Variants in AP4S1 observed in about 807,000 individuals in gnomAD.
AP4S1 encodes the protein AP-4 complex subunit sigma-1.
In AP4S1, 23 loss-of-function variants were observed where a neutral mutation model predicts 19.8. That is an observed-to-expected ratio of 1.16 (90% CI 0.84 to 1.65). The LOEUF (loss-of-function observed/expected upper bound fraction) is 1.65. Among genes scored for constraint, AP4S1 ranks in the 40% most tolerant of loss-of-function variants. AP4S1 has a pLI of 0.00. For missense variants in AP4S1, 166 were observed against 172.8 expected, an observed-to-expected ratio of 0.96 and a Z score of 0.22; for synonymous variants, 46 against 54.1, an observed-to-expected ratio of 0.85 and a Z score of 0.66.
intron 1 of AP4S1, among the ~76,000 whole-genome samples, chr14:31,056,097 G>A (rs1249930860): frequency 2.0e-5 from 3 of 151,844 alleles, no homozygotes; most frequent in Non-Finnish European, 4.4e-5. Context: ...TGCCCGCCTC[G>A]GCCTCCCAAA....
At chr14:31,036,004 A>G (rs1189338551) in intron 1 of AP4S1, among the ~76,000 whole-genome samples, 1 of 152,134 alleles carries the variant, frequency 6.6e-6, no homozygotes, top group South Asian at 2.1e-4. Context: ...TGCTGGGATT[A>G]CAGGCGTGAG....
chr14:31,069,774 C>A, intron 2 of AP4S1, 69 bp from the exon 3 acceptor site: 1 of 1,160,348 alleles, frequency 8.6e-7, no homozygotes, highest in Non-Finnish European at 1.3e-6. Flanking sequence ...GAACCTAGAA[C>A]TTACGCATGT....
chr14:31,063,061 T>C (rs941911416), intron 1 of AP4S1, among the ~76,000 whole-genome samples: 4 of 151,840 alleles, frequency 2.6e-5, no homozygotes, highest in African/African-American at 9.7e-5. Context: ...CTTGGAAGGC[T>C]AAGGCAGGAG....
At chr14:31,073,490 AG>A (rs1442128416) in intron 4 of AP4S1, among the ~76,000 whole-genome samples, 50 of 150,046 alleles carry the variant, frequency 3.3e-4, no homozygotes, top group African/African-American at 9.8e-4. Flanking sequence ...ACTCCGTCTC[AG>A]AAAAAAAAAA....
At chr14:31,055,791 GAA>G in intron 1 of AP4S1, among the ~76,000 whole-genome samples, 1 of 151,830 alleles carries the variant, frequency 6.6e-6, no homozygotes, top group African/African-American at 2.4e-5. Context: ...GAGCTAGAAA[GAA>G]TGTTAATTGT....
chr14:31,092,870 T>A, intron 5 of AP4S1, 37 bp from the exon 6 acceptor site: 1 of 1,448,660 alleles, frequency 6.9e-7, no homozygotes, highest in Non-Finnish European at 9.3e-7. Context: ...TGTTAATAAT[T>A]TTTAACTTTA....
At position 31,094,685 on chromosome 14, in the gene AP4S1, TC is replaced by T. The variant is rs1220738971; in HGVS notation, c.*1651del. ...AGGAGGATTGGTTGAGCCCATTAGT[TC>T]AAGACCAGCCTGGGCAACACAGCAA... On this transcript the variant is annotated 3_prime_UTR_variant, in exon 6 of 6. Transcript: ENST00000542754. 1.3e-5 allele frequency: 2 copies of T among 152,396 alleles called. No individual in the cohort carries two copies. The highest frequency in any genetic ancestry group is 4.8e-5 in the African/African-American group (2 of 41,438). The allele number at this position is 152,396 out of a possible 1,614,324, so 9.4% of individuals were successfully genotyped here.
chr14:31,049,682 G>A (rs1002075406), intron 1 of AP4S1, among the ~76,000 whole-genome samples: 5 of 151,188 alleles, frequency 3.3e-5, no homozygotes, highest in African/African-American at 7.3e-5. Flanking sequence ...TTTGAAACAC[G>A]GTCTTTCTCT....
chr14:31,028,368 G>A (rs1380249676), intron 1 of AP4S1, among the ~76,000 whole-genome samples: 1 of 151,846 alleles, frequency 6.6e-6, no homozygotes, highest in Non-Finnish European at 1.5e-5. Flanking sequence ...TGTAGAGACG[G>A]GGTTTTGTCA....
intron 1 of AP4S1, among the ~76,000 whole-genome samples, chr14:31,044,930 T>C (rs1428437995): frequency 1.3e-5 from 2 of 151,054 alleles, no homozygotes; most frequent in African/African-American, 4.9e-5. Context: ...TGAGATAGAG[T>C]CTCGCTCTGT....
intron 1 of AP4S1, among the ~76,000 whole-genome samples, chr14:31,047,192 T>G (rs1016479977): frequency 2.6e-5 from 4 of 152,186 alleles, no homozygotes; most frequent in Admixed American, 6.6e-5. Flanking sequence ...TTTTTAATTA[T>G]GTTGCTTGTC....
intron 5 of AP4S1, chr14:31,085,062 A>G: frequency 7.0e-7 from 1 of 1,432,634 alleles, no homozygotes; most frequent in Non-Finnish European, 9.2e-7. Flanking sequence ...GGAATGCAGC[A>G]GTACTGCCTT....
At chr14:31,086,784 C>T (rs894407730) in intron 5 of AP4S1, among the ~76,000 whole-genome samples, 5 of 152,086 alleles carry the variant, frequency 3.3e-5, no homozygotes, top group African/African-American at 7.2e-5. Context: ...TATTTAGAGT[C>T]GTAGGAGCCG....
At chr14:31,063,157 G>A (rs1341062305) in intron 1 of AP4S1, among the ~76,000 whole-genome samples, 5 of 151,998 alleles carry the variant, frequency 3.3e-5, no homozygotes, top group Admixed American at 6.6e-5. Flanking sequence ...AAGGCCGAGC[G>A]CAGTGACTCA....
At position 31,093,254 on chromosome 14, in the gene AP4S1, GAA is replaced by G; in HGVS notation, c.*220_*221del. The G allele has an allele frequency of 2.6e-6, 1 of 389,316 alleles. No individual in the cohort carries two copies. Among genetic ancestry groups the G allele is most frequent in the Non-Finnish European group, 4.5e-6 (1 of 223,348 alleles). The allele number at this position is 389,316 out of a possible 1,614,324, so 24.1% of individuals were successfully genotyped here. A position where few individuals can be genotyped will look rare whatever the true frequency, so the allele number is the denominator to read the frequency against. On this transcript the variant is annotated 3_prime_UTR_variant, in exon 6 of 6. Transcript: ENST00000542754. Reference sequence around the variant, plus strand: ...AAAAAAATTTCTTTAAACTGAGAGAGAAGTTTTATTTTCTAATTGTAAACATA... The same window carrying G: ...AAAAAAATTTCTTTAAACTGAGAGAGGTTTTATTTTCTAATTGTAAACATA...
intron 4 of AP4S1, 158 bp downstream of exon 4, chr14:31,073,131 G>T (rs1594692023): frequency 1.5e-6 from 1 of 665,750 alleles, no homozygotes. Context: ...TTTCCTTCTG[G>T]TTTATCCAAA....
At chr14:31,058,743 T>C (rs913647155) in intron 1 of AP4S1, among the ~76,000 whole-genome samples, 6 of 151,786 alleles carry the variant, frequency 4.0e-5, no homozygotes, top group Admixed American at 3.3e-4. Context: ...TTTTTTTTTT[T>C]TCCTTTTTTT....
chr14:31,034,911 G>GCCAC (rs1034064119), intron 1 of AP4S1, among the ~76,000 whole-genome samples: 27 of 152,070 alleles, frequency 1.8e-4, no homozygotes, highest in African/African-American at 6.3e-4. Flanking sequence ...ACAGGCATGA[G>GCCAC]CCACCGTGGC....
At chr14:31,064,183 C>T (rs1404537134) in intron 1 of AP4S1, among the ~76,000 whole-genome samples, 2 of 152,194 alleles carry the variant, frequency 1.3e-5, no homozygotes, top group Non-Finnish European at 2.9e-5. Flanking sequence ...TGGATCCATG[C>T]ATGTGCTTGG....
Sources: gnomAD v4.1 joint callset for allele counts (sites outside exome capture counted in the v4.1 genomes callset) on GRCh38, gnomAD v4.1.1 for gene constraint, MANE v1.5 for transcripts, NCBI Gene and HGNC (gene_info 2026-07-23, HGNC 2026-07-21) for gene names.